The following ANKRD44 variants were observed in gnomAD, a reference collection of about 807,000 sequenced individuals.
ANKRD44 encodes ankyrin repeat domain 44, also known as serine/threonine-protein phosphatase 6 regulatory ankyrin repeat subunit B.
ANKRD44 carries 35 observed loss-of-function variants against 116.0 expected under a neutral mutation model. The ratio of observed to expected loss-of-function variants is 0.30; its 90% CI spans 0.23 to 0.40. The LOEUF (loss-of-function observed/expected upper bound fraction) is 0.40, where lower values mean the gene tolerates loss of function less well. Ranked by LOEUF, ANKRD44 falls within the 10% of genes least tolerant of loss-of-function variation. The probability of loss-of-function intolerance (pLI) is 1.00; values close to 1 mark genes in which losing one functional copy is unlikely to be tolerated. For synonymous variants in ANKRD44, 435 were observed against 461.8 expected, an observed-to-expected ratio of 0.94 and a Z score of 0.74; for missense variants, 1,014 against 1,242.6, an observed-to-expected ratio of 0.82 and a Z score of 2.77.
chr2:197,123,321 A>C (rs2078900906), intron 6 of ANKRD44, among the ~76,000 whole-genome samples: 1 of 152,250 alleles, frequency 6.6e-6, no homozygotes, highest in African/African-American at 2.4e-5. Flanking sequence ...GCCTCAACTT[A>C]AAAGTATCCT....
At chr2:197,018,704 C>T (rs1193988329) in intron 17 of ANKRD44, among the ~76,000 whole-genome samples, 1 of 152,150 alleles carries the variant, frequency 6.6e-6, no homozygotes, top group Non-Finnish European at 1.5e-5. Flanking sequence ...AGAATCATGC[C>T]TGGCACACAG....
In ANKRD44 at chr2:197,212,075, C is replaced by CA. The variant is rs1310011496; in HGVS notation, c.28-24970_28-24969insT. Among the ~76,000 whole-genome samples the CA allele has an allele frequency of 3.4e-5, 5 of 146,502 alleles. No homozygotes were observed. The highest frequency in any genetic ancestry group is 2.0e-4 in the East Asian group (1 of 4,932). ...TCTCACACACACACACACACACACA[C>CA]CCCACAGCACCACTTTGGGGGAAGG... is the stretch of plus-strand genomic sequence containing the variant. On this transcript the variant is annotated intron_variant, in intron 1 of 27. Coordinates refer to ENST00000282272, the MANE Select transcript of ANKRD44 (RefSeq NM_001195144.2). This position sits in a 1 kb window ranked among gnomAD's most constrained non-coding sequence, Gnocchi z 4.8.
chr2:197,120,565 C>A (rs566994643), intron 8 of ANKRD44, among the ~76,000 whole-genome samples: 3 of 152,068 alleles, frequency 2.0e-5, no homozygotes, highest in African/African-American at 7.2e-5. Context: ...GCAGGAGAAT[C>A]GCTTGAACCT....
chr2:197,278,782 C>A (rs369688687), intron 1 of ANKRD44, among the ~76,000 whole-genome samples: 1 of 152,208 alleles, frequency 6.6e-6, no homozygotes, highest in Non-Finnish European at 1.5e-5. Flanking sequence ...TCTCTCATTG[C>A]GACACGTAGG....
intron 21 of ANKRD44, among the ~76,000 whole-genome samples, chr2:196,970,052 G>A (rs567979932): frequency 6.6e-6 from 1 of 152,168 alleles, no homozygotes; most frequent in East Asian, 1.9e-4. Flanking sequence ...AATCAGTCTT[G>A]TGTTAACTCT....
At position 197,007,856 on chromosome 2, in the gene ANKRD44, C is replaced by G; in HGVS notation, c.2080G>C (p.Ala694Pro). 1 of 1,614,074 alleles carries G rather than the reference C, an allele frequency of 6.2e-7. No individual in the cohort carries two copies. The highest frequency in any genetic ancestry group is 8.5e-7 in the Non-Finnish European group (1 of 1,179,986). Residue 694 changes from alanine (A) to proline (P), a missense_variant, in exon 20 of 28, where the codon GCC becomes CCC. Transcript: ENST00000282272. ...AGGATGTCAACAGTGTCTACGTTGG[C>G]TTCCTTTTCAAGTAACAATGAAACA... ...DAVSLLLEKEANVDTVDILGC... is the reference protein window; with the variant it reads ...DAVSLLLEKEPNVDTVDILGC...
rs56075904 is a variant in ANKRD44, at chr2:197,145,292, A to AAAATAAAT, written c.190+1727_190+1734dup. 2.8e-3 allele frequency among the ~76,000 whole-genome samples: 410 copies of AAAATAAAT among 149,034 alleles called. 1 individual carries two copies. Among genetic ancestry groups the AAAATAAAT allele is most frequent in the East Asian group, 3.2e-3 (16 of 5,054 alleles). The stretch of plus-strand genomic sequence containing the variant: ...GGCTACAGAGCAAGACTCCGTCTCA[A>AAAATAAAT]AAATAAATAAATAAATAAATAAAAT... On this transcript the variant is annotated intron_variant, in intron 3 of 27. Coordinates refer to ENST00000282272, the MANE Select transcript of ANKRD44 (RefSeq NM_001195144.2).
chr2:197,198,251 A>C (rs923603751), intron 1 of ANKRD44, among the ~76,000 whole-genome samples: 5 of 152,158 alleles, frequency 3.3e-5, no homozygotes, highest in Admixed American at 2.0e-4. Context: ...ATACCAAGCT[A>C]AGAAATTTGA....
intron 1 of ANKRD44, among the ~76,000 whole-genome samples, chr2:197,286,362 T>A (rs1218834222): frequency 6.9e-6 from 1 of 145,714 alleles, no homozygotes; most frequent in Non-Finnish European, 1.5e-5. Context: ...TTTACCTACT[T>A]CTTCTACTTT....
intron 2 of ANKRD44, among the ~76,000 whole-genome samples, chr2:197,173,809 G>T (rs2080297339): frequency 6.6e-6 from 1 of 152,126 alleles, no homozygotes; most frequent in Non-Finnish European, 1.5e-5. Context: ...GAGGTGGGTG[G>T]ATCACCTGAG....
At chr2:197,003,344 A>G (rs1302346978) in intron 21 of ANKRD44, among the ~76,000 whole-genome samples, 1 of 152,070 alleles carries the variant, frequency 6.6e-6, no homozygotes, top group Non-Finnish European at 1.5e-5. Context: ...GGAAAGTTGT[A>G]TGATTTAGCC....
At chr2:197,164,261 G>T (rs1203197316) in intron 2 of ANKRD44, among the ~76,000 whole-genome samples, 4 of 152,180 alleles carry the variant, frequency 2.6e-5, no homozygotes, top group Non-Finnish European at 5.9e-5. Context: ...GACACCGCCG[G>T]CTGCGTCTGG....
At chr2:197,081,435 G>A (rs528138284) in intron 15 of ANKRD44, among the ~76,000 whole-genome samples, 4 of 152,270 alleles carry the variant, frequency 2.6e-5, no homozygotes, top group East Asian at 1.9e-4. Context: ...GAAGCAAAGC[G>A]TACAATTTTA....
At chr2:197,077,559 A>G (rs2077697366) in intron 16 of ANKRD44, among the ~76,000 whole-genome samples, 1 of 152,112 alleles carries the variant, frequency 6.6e-6, no homozygotes, top group Admixed American at 6.6e-5. Flanking sequence ...CCTACTTAGG[A>G]TCTTTGCTTT....
At chr2:197,211,957 A>G (rs1358456417) in intron 1 of ANKRD44, among the ~76,000 whole-genome samples, 2 of 152,042 alleles carry the variant, frequency 1.3e-5, no homozygotes, top group Non-Finnish European at 2.9e-5. Context: ...TTTGTGACCA[A>G]CACTCCGGTG....
intron 16 of ANKRD44, among the ~76,000 whole-genome samples, chr2:197,052,142 A>G (rs2077119802): frequency 6.6e-6 from 1 of 152,144 alleles, no homozygotes; most frequent in African/African-American, 2.4e-5. Context: ...TGGTGTGTAG[A>G]CCAGGTTCCA....
intron 2 of ANKRD44, among the ~76,000 whole-genome samples, chr2:197,185,865 G>A (rs528794711): frequency 6.6e-6 from 1 of 152,186 alleles, no homozygotes; most frequent in East Asian, 1.9e-4. Flanking sequence ...AACCTTTTAG[G>A]GCAAGGGTCA....
Position 197,080,913 on chromosome 2 carries a change from ATTCGTTTGTTTG to A in ANKRD44, c.1538+720_1538+731del, listed in dbSNP as rs372081587. ...GGTGAGGCACAAGGAGTGGGTACCA[ATTCGTTTGTTTG>A]TTCATTTACTCAACAGTTATTGAAT... On this transcript the variant is annotated intron_variant, in intron 15 of 27. Transcript: ENST00000282272. Among the ~76,000 whole-genome samples, 1,294 of 152,290 alleles carry A rather than the reference ATTCGTTTGTTTG, an allele frequency of 8.5e-3. 16 individuals carry two copies. The highest frequency in any genetic ancestry group is 0.03 in the African/African-American group (1,251 of 41,556).
intron 10 of ANKRD44, among the ~76,000 whole-genome samples, chr2:197,093,291 A>C (rs2078087196): frequency 6.6e-6 from 1 of 152,218 alleles, no homozygotes; most frequent in South Asian, 2.1e-4. Context: ...AAAAAGTATA[A>C]GTGGTAGTAT....
Sources: allele counts gnomAD v4.1 joint callset (sites outside exome capture counted in the v4.1 genomes callset), GRCh38; gene constraint gnomAD v4.1.1; non-coding constraint Gnocchi (gnomAD v3.1); transcripts MANE v1.5; gene names NCBI Gene and HGNC (gene_info 2026-07-23, HGNC 2026-07-21).